STAT3: variants seen among roughly 807,000 people sequenced by gnomAD.
STAT3 encodes DNA-binding protein APRF.
STAT3 carries 7 observed loss-of-function variants against 114.3 expected under a neutral mutation model. That is an observed-to-expected ratio of 0.06 (90% CI 0.03 to 0.11). The LOEUF (loss-of-function observed/expected upper bound fraction) is 0.11. Among genes scored for constraint, STAT3 ranks in the 10% least tolerant of loss-of-function variants. STAT3 has a pLI of 1.00. For missense variants in STAT3, 364 were observed against 960.9 expected (o/e 0.38, Z 8.21); for synonymous variants, 331 against 354.5 (o/e 0.93, Z 0.74).
Position 42,371,068 on chromosome 17 carries a change from T to C in STAT3, c.-24+17211A>G, listed in dbSNP as rs115335421. On this transcript the variant is annotated intron_variant, in intron 1 of 23. Transcript: ENST00000264657. Reference sequence around the variant, plus strand: ...TAGAACCAACAGGATTTGCTGATGCTTTGAATGAAAGCAGAGATAAGACAG... The same window carrying C: ...TAGAACCAACAGGATTTGCTGATGCCTTGAATGAAAGCAGAGATAAGACAG... Among the ~76,000 whole-genome samples the C allele has an allele frequency of 2.8e-3, 429 of 152,284 alleles. 3 individuals carry two copies. The highest frequency in any genetic ancestry group is 9.9e-3 in the African/African-American group (410 of 41,564).
intron 1 of STAT3, among the ~76,000 whole-genome samples, chr17:42,378,530 A>G (rs2084600428): frequency 6.6e-6 from 1 of 152,240 alleles, no homozygotes; most frequent in Admixed American, 6.5e-5. Flanking sequence ...TACAGGCGTG[A>G]GCCATCGCTC....
At chr17:42,330,160 A>G in intron 11 of STAT3, among the ~76,000 whole-genome samples, 1 of 149,282 alleles carries the variant, frequency 6.7e-6, no homozygotes, top group Non-Finnish European at 1.5e-5. Flanking sequence ...CTTGTTGCCC[A>G]GGCTGGAGTG....
intron 1 of STAT3, among the ~76,000 whole-genome samples, chr17:42,374,412 A>C (rs757372368): frequency 1.3e-5 from 2 of 152,090 alleles, no homozygotes; most frequent in Non-Finnish European, 2.9e-5. Flanking sequence ...GTTTGAAACC[A>C]GTCTGACCAA....
chr17:42,326,919 C>A (rs1449319786), intron 14 of STAT3, among the ~76,000 whole-genome samples: 1 of 152,174 alleles, frequency 6.6e-6, no homozygotes, highest in East Asian at 1.9e-4. Context: ...ACATGCCAAG[C>A]CTCACCACAC....
chr17:42,373,473 G>A (rs964025333), intron 1 of STAT3, among the ~76,000 whole-genome samples: 14 of 151,226 alleles, frequency 9.3e-5, no homozygotes, highest in Non-Finnish European at 1.0e-4. Flanking sequence ...AATCACTTGA[G>A]CCCGGGAGGT....
chr17:42,341,232 C>T (rs2082432714), intron 4 of STAT3, among the ~76,000 whole-genome samples: 1 of 152,186 alleles, frequency 6.6e-6, no homozygotes, highest in Non-Finnish European at 1.5e-5. Flanking sequence ...GTATTGGCTC[C>T]CCACTGCTTC....
intron 8 of STAT3, among the ~76,000 whole-genome samples, chr17:42,336,706 A>G (rs1274056075): frequency 6.7e-6 from 1 of 149,006 alleles, no homozygotes; most frequent in African/African-American, 2.6e-5. Context: ...ATTGAGCATC[A>G]ACTAAATTTT....
At chr17:42,346,045 T>TA (rs1178049245) in intron 3 of STAT3, among the ~76,000 whole-genome samples, 3 of 151,932 alleles carry the variant, frequency 2.0e-5, no homozygotes, top group South Asian at 2.1e-4. Flanking sequence ...AGCTAGTTTT[T>TA]AAAAAAAATT....
At chr17:42,356,521 G>GTATATA (rs764003152) in intron 1 of STAT3, among the ~76,000 whole-genome samples, 1 of 143,576 alleles carries the variant, frequency 7.0e-6, no homozygotes, top group African/African-American at 2.7e-5. Flanking sequence ...GTTTGTGTGT[G>GTATATA]TGTATATATA....
At chr17:42,323,171 G>A (rs2144695419) in intron 19 of STAT3, 28 bp from the exon 20 acceptor site, 1 of 1,614,208 alleles carries the variant, frequency 6.2e-7, no homozygotes, top group Non-Finnish European at 8.5e-7. Context: ...GAACAATGTT[G>A]TTATTGCTAA....
chr17:42,366,895 C>CT (rs1412750696), intron 1 of STAT3, among the ~76,000 whole-genome samples: 1 of 152,104 alleles, frequency 6.6e-6, no homozygotes, highest in Non-Finnish European at 1.5e-5. Flanking sequence ...CATCCCAGCA[C>CT]TTTGGGAGGC....
Position 42,315,716 on chromosome 17 carries a change from A to ATCTTTCTGCAGCTTCC in STAT3, c.*13_*28dup. 1 of 1,609,738 alleles carries ATCTTTCTGCAGCTTCC rather than the reference A, an allele frequency of 6.2e-7. No homozygotes were observed. Among genetic ancestry groups the ATCTTTCTGCAGCTTCC allele is most frequent in the South Asian group, 1.1e-5 (1 of 90,986 alleles). On this transcript the variant is annotated 3_prime_UTR_variant, in exon 24 of 24. Transcript: ENST00000264657. The stretch of plus-strand genomic sequence containing the variant: ...GAATGCAGGTAGGCGCCTCAGTCGT[A>ATCTTTCTGCAGCTTCC]TCTTTCTGCAGCTTCCGTTCTCAGC...
At chr17:42,322,951 T>A (rs1409519974) in intron 20 of STAT3, 53 bp downstream of exon 20, 4 of 1,612,164 alleles carry the variant, frequency 2.5e-6, no homozygotes, top group Admixed American at 3.3e-5. Context: ...CTAGAAGCAG[T>A]GATGAGGCCT....
intron 1 of STAT3, among the ~76,000 whole-genome samples, chr17:42,361,462 A>G (rs554449691): frequency 6.6e-6 from 1 of 151,786 alleles, no homozygotes; most frequent in East Asian, 1.9e-4. Context: ...CAGCCTGGGC[A>G]ACAAGAGCAA....
In STAT3 at chr17:42,337,624, TCA is replaced by T; in HGVS notation, c.646-40_646-39del. On this transcript the variant is annotated intron_variant, in intron 7 of 23. Transcript: ENST00000264657. The surrounding 1 kb of genome is among the most constrained non-coding windows in gnomAD (Gnocchi z 4.0). ...CAAAACAAAGTCAGAAAACATTTCC[TCA>T]GACTGTCTCTAACCACATTCTTTAG... is the stretch of plus-strand genomic sequence containing the variant. The T allele has an allele frequency of 6.2e-7, 1 of 1,614,182 alleles. No individual in the cohort carries two copies. Among genetic ancestry groups the T allele is most frequent in the Non-Finnish European group, 8.5e-7 (1 of 1,180,030 alleles).
At chr17:42,381,742 A>C (rs1469094455) in intron 1 of STAT3, among the ~76,000 whole-genome samples, 1 of 151,898 alleles carries the variant, frequency 6.6e-6, no homozygotes, top group Non-Finnish European at 1.5e-5. Flanking sequence ...AAAAAAAAAA[A>C]AAAAAAGGAA....
At chr17:42,321,477 T>G (rs1351202100) in intron 21 of STAT3, among the ~76,000 whole-genome samples, 1 of 152,096 alleles carries the variant, frequency 6.6e-6, no homozygotes, top group African/African-American at 2.4e-5. Flanking sequence ...CATTAAAATA[T>G]ACCTTATTTT....
At chr17:42,339,806 A>AT (rs1158805079) in intron 4 of STAT3, among the ~76,000 whole-genome samples, 3 of 152,264 alleles carry the variant, frequency 2.0e-5, no homozygotes, top group Admixed American at 2.0e-4. Context: ...ATTAAAAGAT[A>AT]TTATCTTGGG....
At chr17:42,363,579 G>A (rs2083623868) in intron 1 of STAT3, among the ~76,000 whole-genome samples, 1 of 151,410 alleles carries the variant, frequency 6.6e-6, no homozygotes, top group South Asian at 2.1e-4. Flanking sequence ...GAGTAACTGG[G>A]ATTACAGGCA....
Sources: allele counts gnomAD v4.1 joint callset (sites outside exome capture counted in the v4.1 genomes callset), GRCh38; gene constraint gnomAD v4.1.1; non-coding constraint Gnocchi (gnomAD v3.1); transcripts MANE v1.5; gene names NCBI Gene and HGNC (gene_info 2026-07-23, HGNC 2026-07-21).